The following HOMER1 variants were observed in gnomAD, a reference collection of about 807,000 sequenced individuals.
The protein encoded by HOMER1 is homer scaffold protein 1.
A neutral mutation model predicts 48.9 loss-of-function variants in HOMER1; 3 were observed. That is an observed-to-expected ratio of 0.06 (90% confidence interval 0.03 to 0.16). The LOEUF (loss-of-function observed/expected upper bound fraction) is 0.16, where lower values mean the gene tolerates loss of function less well. Ranked by LOEUF, HOMER1 falls within the 10% of genes least tolerant of loss-of-function variation. The pLI is 1.00. For missense variants in HOMER1, 247 were observed against 411.4 expected (o/e 0.60, Z 3.46); for synonymous variants, 134 against 146.4 (o/e 0.92, Z 0.61).
At chr5:79,381,522 A>G (rs1748975515) in intron 8 of HOMER1, among the ~76,000 whole-genome samples, 1 of 152,220 alleles carries the variant, frequency 6.6e-6, no homozygotes, top group Admixed American at 6.5e-5. Flanking sequence ...GAAATTCATA[A>G]AGTCCCCCCA....
chr5:79,487,450 T>C (rs73124178), intron 1 of HOMER1, among the ~76,000 whole-genome samples: 13,204 of 152,000 alleles, frequency 0.087, 1,245 homozygotes, highest in East Asian at 0.23. Context: ...ACCCATGACA[T>C]AGCTTGGGAG....
chr5:79,501,168 A>C (rs1752576700), intron 1 of HOMER1, among the ~76,000 whole-genome samples: 1 of 146,740 alleles, frequency 6.8e-6, no homozygotes, highest in Non-Finnish European at 1.5e-5. Context: ...ACTGGTTTTC[A>C]CCATGTTGCC....
At chr5:79,499,793 T>G (rs1157032902) in intron 1 of HOMER1, among the ~76,000 whole-genome samples, 1 of 152,230 alleles carries the variant, frequency 6.6e-6, no homozygotes, top group Non-Finnish European at 1.5e-5. Context: ...CTGTAATAAT[T>G]TGTAGCTAAC....
At chr5:79,414,565 G>C (rs1205428370) in intron 5 of HOMER1, among the ~76,000 whole-genome samples, 3 of 151,974 alleles carry the variant, frequency 2.0e-5, no homozygotes, top group African/African-American at 7.3e-5. Context: ...TTTTTGTAGC[G>C]AGGGGGTCTT....
chr5:79,439,052 G>A lies in HOMER1; in HGVS notation c.485C>T (p.Pro162Leu). Residue 162 changes from proline (P) to leucine (L), a missense_variant, in exon 5 of 9, where the codon CCA becomes CTA. By Grantham distance (98) the Pro-to-Leu change is moderately conservative. Transcript: ENST00000334082. ...RTPDVTQNSE[P>L]RAEPTQNALP... ...TGCATTCTGAGTTGGTTCAGCCCTTGGCTCTGAGTTCTGTGTCACATCAGG... is the reference window on the plus strand; with the variant it reads ...TGCATTCTGAGTTGGTTCAGCCCTTAGCTCTGAGTTCTGTGTCACATCAGG... 1 of 1,613,884 alleles carries A rather than the reference G, an allele frequency of 6.2e-7. No homozygotes were observed. Among genetic ancestry groups the A allele is most frequent in the South Asian group, 1.1e-5 (1 of 91,078 alleles).
intron 8 of HOMER1, among the ~76,000 whole-genome samples, chr5:79,388,777 A>G (rs1220212208): frequency 2.0e-5 from 3 of 152,088 alleles, no homozygotes; most frequent in Admixed American, 1.3e-4. Context: ...ATTACTTATT[A>G]TTTTAAATAA....
chr5:79,510,567 T>C, intron 1 of HOMER1: 1 of 774,464 alleles, frequency 1.3e-6, no homozygotes, highest in Non-Finnish European at 2.3e-6. Flanking sequence ...AACATGCAGT[T>C]TGCCAAGAAA....
chr5:79,501,565 A>C (rs545078776), intron 1 of HOMER1, among the ~76,000 whole-genome samples: 7 of 152,336 alleles, frequency 4.6e-5, no homozygotes, highest in African/African-American at 1.7e-4. Context: ...ACCATCTGTA[A>C]GGAAAACAAG....
chr5:79,446,253 G>C (rs1301836023), intron 4 of HOMER1, among the ~76,000 whole-genome samples: 2 of 152,118 alleles, frequency 1.3e-5, no homozygotes, highest in Non-Finnish European at 2.9e-5. Flanking sequence ...CACCCCTACA[G>C]TTTAGAGCCC....
chr5:79,479,450 C>T (rs1263915887), intron 1 of HOMER1, among the ~76,000 whole-genome samples: 5 of 152,128 alleles, frequency 3.3e-5, no homozygotes, highest in South Asian at 2.1e-4. Flanking sequence ...CATTTAGCTA[C>T]AGAAGGTGAT....
At chr5:79,486,083 G>A (rs989943211) in intron 1 of HOMER1, among the ~76,000 whole-genome samples, 1 of 152,136 alleles carries the variant, frequency 6.6e-6, no homozygotes, top group Non-Finnish European at 1.5e-5. Flanking sequence ...CCTGTGGAGA[G>A]GAATCAAGAG....
intron 5 of HOMER1, among the ~76,000 whole-genome samples, chr5:79,429,406 T>C (rs1750359274): frequency 2.6e-5 from 4 of 152,062 alleles, no homozygotes; most frequent in South Asian, 2.1e-4. Context: ...GGCATAAACA[T>C]TGAGACCAAT....
At chr5:79,475,213 T>C (rs1332931982) in intron 1 of HOMER1, among the ~76,000 whole-genome samples, 1 of 152,102 alleles carries the variant, frequency 6.6e-6, no homozygotes, top group Non-Finnish European at 1.5e-5. Context: ...ATGAGGAACC[T>C]GAAGCATAGA....
intron 1 of HOMER1, among the ~76,000 whole-genome samples, chr5:79,507,552 T>C (rs1752813784): frequency 1.3e-5 from 2 of 152,146 alleles, no homozygotes; most frequent in Admixed American, 6.5e-5. Flanking sequence ...ATGTAAAATG[T>C]TTTATAGTCA....
At chr5:79,511,494 T>TA (rs1752940335) in intron 1 of HOMER1, among the ~76,000 whole-genome samples, 1 of 152,170 alleles carries the variant, frequency 6.6e-6, no homozygotes. Context: ...AGGTAAGAAA[T>TA]AGAGTCCACA....
intron 5 of HOMER1, among the ~76,000 whole-genome samples, chr5:79,423,216 T>C (rs1267958290): frequency 6.6e-6 from 1 of 152,196 alleles, no homozygotes; most frequent in Non-Finnish European, 1.5e-5. Context: ...AGAGAGCCAC[T>C]AGACAGCACA....
chr5:79,395,875 G>A (rs1484919795), intron 8 of HOMER1, among the ~76,000 whole-genome samples: 1 of 152,136 alleles, frequency 6.6e-6, no homozygotes, highest in African/African-American at 2.4e-5. Flanking sequence ...CCCAGTGTCC[G>A]ATATGTTGCA....
chr5:79,398,396 A>G (rs1008445267), intron 6 of HOMER1, among the ~76,000 whole-genome samples: 4 of 152,034 alleles, frequency 2.6e-5, no homozygotes, highest in Non-Finnish European at 5.9e-5. Flanking sequence ...TTGGTTTACT[A>G]GAAGATAGTA....
At chr5:79,498,827 G>A (rs1381224610) in intron 1 of HOMER1, among the ~76,000 whole-genome samples, 2 of 148,070 alleles carry the variant, frequency 1.4e-5, no homozygotes, top group Non-Finnish European at 3.0e-5. Context: ...TCTACTTGCA[G>A]GTCTCCACTT....
Sources: allele counts gnomAD v4.1 joint callset (sites outside exome capture counted in the v4.1 genomes callset), GRCh38; gene constraint gnomAD v4.1.1; transcripts MANE v1.5; gene names NCBI Gene and HGNC (gene_info 2026-07-23, HGNC 2026-07-21).